Variants in LONP2 observed in about 807,000 individuals in gnomAD.
LONP2 encodes lon protease homolog 2, peroxisomal.
In LONP2, 60 loss-of-function variants were observed where a neutral mutation model predicts 85.6. The observed-to-expected ratio is 0.70, with a 90% confidence interval of 0.57 to 0.87. LONP2 has a LOEUF of 0.87. LONP2 is among the 40% of genes least tolerant of loss of function. The pLI is 0.00. For synonymous variants in LONP2, 395 were observed against 389.7 expected (o/e 1.01, Z -0.16); for missense variants, 860 against 1,063.5 (o/e 0.81, Z 2.66).
At chr16:48,272,536 T>C (rs761844788) in intron 7 of LONP2, among the ~76,000 whole-genome samples, 6 of 152,336 alleles carry the variant, frequency 3.9e-5, no homozygotes, top group Non-Finnish European at 5.9e-5. Context: ...GAATTGACTT[T>C]ATGGGTCTTT....
chr16:48,347,682 G>T lies in LONP2; in HGVS notation c.2114G>T (p.Arg705Leu), dbSNP rs1473733503. 5 of 1,613,796 alleles carry T rather than the reference G, an allele frequency of 3.1e-6. No homozygotes were observed. Among genetic ancestry groups the T allele is most frequent in the African/African-American group, 2.7e-5 (2 of 74,934 alleles). The change falls in exon 13 of 15, where the codon CGC becomes CTC. Residue 705 changes from arginine to leucine, a missense_variant. Coordinates refer to ENST00000285737, the MANE Select transcript of LONP2 (RefSeq NM_031490.5). Reference sequence around the variant, plus strand: ...GCCCACCTCGCTATCAGCTGGCTCCGCAGCAACGCAAAGAAGTACCAGCTG... The same window carrying T: ...GCCCACCTCGCTATCAGCTGGCTCCTCAGCAACGCAAAGAAGTACCAGCTG... ...ESAHLAISWL[R>L]SNAKKYQLTN...
chr16:48,336,793 T>G (rs558007109), intron 12 of LONP2, among the ~76,000 whole-genome samples: 1 of 152,374 alleles, frequency 6.6e-6, no homozygotes, highest in South Asian at 2.1e-4. Flanking sequence ...TCAGGCCATC[T>G]GGATGTATAC....
At chr16:48,293,595 G>A (rs9937997) in intron 8 of LONP2, among the ~76,000 whole-genome samples, 1,990 of 152,216 alleles carry the variant, frequency 0.013, 44 homozygotes, top group African/African-American at 0.046. Flanking sequence ...ATCAGTAGAG[G>A]GAAACATTCT....
At chr16:48,357,454 G>A (rs894737772), downstream of LONP2, 1 of 152,198 alleles carries the variant, frequency 6.6e-6, no homozygotes, top group South Asian at 2.1e-4. Context: ...TTCAAACTCC[G>A]GGTCTCTGTA....
At chr16:48,257,650 A>ATATTTGT (rs1971786980) in intron 3 of LONP2, among the ~76,000 whole-genome samples, 1 of 152,194 alleles carries the variant, frequency 6.6e-6, no homozygotes, top group Admixed American at 6.5e-5. Context: ...TCATCCTAGA[A>ATATTTGT]TATTTGTTTG....
At chr16:48,263,801 A>G (rs992612343) in intron 6 of LONP2, among the ~76,000 whole-genome samples, 2 of 152,206 alleles carry the variant, frequency 1.3e-5, no homozygotes, top group African/African-American at 4.8e-5. Flanking sequence ...AATGGCTGTT[A>G]TCGGGGGACC....
chr16:48,293,103 T>G (rs1246490646), intron 8 of LONP2, among the ~76,000 whole-genome samples: 1 of 152,194 alleles, frequency 6.6e-6, no homozygotes, highest in Non-Finnish European at 1.5e-5. Context: ...CCAGCATATA[T>G]GAATTACATA....
In LONP2 at chr16:48,362,380, G is replaced by A. The variant is rs1597018082; in HGVS notation, c.*517G>A. ...AGGGCAGGCACCCTCTGGGATGGTG[G>A]ACACTTCGAGGTACCGGTAGGTAAT... On this transcript the variant is annotated 3_prime_UTR_variant, in exon 5 of 5. Transcript: ENST00000565867. This position sits in a 1 kb window ranked among gnomAD's most constrained non-coding sequence, Gnocchi z 4.2. 1.2e-6 allele frequency: 2 copies of A among 1,614,148 alleles called. No homozygotes were observed. The highest frequency in any genetic ancestry group is 2.2e-5 in the East Asian group (1 of 44,886).
intron 8 of LONP2, among the ~76,000 whole-genome samples, chr16:48,290,300 C>G (rs1328397289): frequency 6.6e-6 from 1 of 152,178 alleles, no homozygotes; most frequent in Non-Finnish European, 1.5e-5. Flanking sequence ...TCCTACTGCA[C>G]TCTCACAACA....
chr16:48,299,592 A>T, intron 9 of LONP2, 70 bp from the exon 10 acceptor site: 2 of 1,541,142 alleles, frequency 1.3e-6, no homozygotes, highest in Non-Finnish European at 1.8e-6. Flanking sequence ...TAAAAAAAAA[A>T]ACAAAAAACA....
chr16:48,296,388 G>A (rs146221785), intron 9 of LONP2, among the ~76,000 whole-genome samples: 3 of 152,292 alleles, frequency 2.0e-5, no homozygotes, highest in African/African-American at 7.2e-5. Context: ...TAGCATGAAA[G>A]AATGATAATT....
At position 48,352,007 on chromosome 16, in the gene LONP2, T is replaced by C. The variant is rs1003116835; in HGVS notation, c.*205T>C. On this transcript the variant is annotated 3_prime_UTR_variant, in exon 15 of 15. Transcript: ENST00000285737. ...AGTAAACTGATAAAAATCGAATTCTTGTCTTTTTAGTGGGATCCTTACTGT... is the reference window on the plus strand; with the variant it reads ...AGTAAACTGATAAAAATCGAATTCTCGTCTTTTTAGTGGGATCCTTACTGT... 3.1e-5 allele frequency: 18 copies of C among 583,102 alleles called. No homozygotes were observed. In the African/African-American group the frequency reaches 3.2e-4, roughly 10 times the overall value. 36.1% of individuals were successfully genotyped at this position (583,102 alleles called of 1,614,324 possible). A position where few individuals can be genotyped will look rare whatever the true frequency, so the allele number is the denominator to read the frequency against.
rs72802165 is a variant in LONP2, at chr16:48,266,749, A to G, written c.983-3267A>G. The stretch of plus-strand genomic sequence containing the variant: ...TGGATATACCATCATTTGTTTATCA[A>G]TTCATCTGTTGATAGACATTTGGGT... On this transcript the variant is annotated intron_variant, in intron 6 of 14. Coordinates refer to ENST00000285737, the MANE Select transcript of LONP2 (RefSeq NM_031490.5). Among the ~76,000 whole-genome samples, 308 of 152,204 alleles carry G rather than the reference A, an allele frequency of 2.0e-3. 1 individual carries two copies. Among genetic ancestry groups the G allele is most frequent in the African/African-American group, 3.0e-3 (124 of 41,530 alleles).
At chr16:48,342,786 G>A (rs1305862981) in intron 12 of LONP2, among the ~76,000 whole-genome samples, 1 of 152,186 alleles carries the variant, frequency 6.6e-6, no homozygotes, top group African/African-American at 2.4e-5. Flanking sequence ...CAGATGGATC[G>A]CTTCTGTGGT....
At chr16:48,249,521 T>G (rs72802162) in intron 1 of LONP2, among the ~76,000 whole-genome samples, 13 of 152,344 alleles carry the variant, frequency 8.5e-5, no homozygotes, top group Admixed American at 2.6e-4. Context: ...TCACCCACAG[T>G]GTCTCACCAG....
At chr16:48,264,313 G>A (rs922564821) in intron 6 of LONP2, among the ~76,000 whole-genome samples, 3 of 146,664 alleles carry the variant, frequency 2.0e-5, no homozygotes, top group African/African-American at 5.4e-5. Context: ...GGTACGCCCC[G>A]GGGGGGCCAG....
intron 9 of LONP2, 142 bp from the exon 10 acceptor site, chr16:48,299,520 T>G: frequency 1.4e-6 from 1 of 713,656 alleles, no homozygotes; most frequent in East Asian, 3.1e-5. Flanking sequence ...AGGTGGAGGT[T>G]GTAGTGAGCC....
chr16:48,328,663 G>A (rs1959330587), intron 11 of LONP2, among the ~76,000 whole-genome samples: 1 of 149,794 alleles, frequency 6.7e-6, no homozygotes, highest in Non-Finnish European at 1.5e-5. Context: ...GGGTGACACG[G>A]GGACTCCGTC....
At chr16:48,321,390 C>G (rs1257695354) in intron 11 of LONP2, among the ~76,000 whole-genome samples, 1 of 152,136 alleles carries the variant, frequency 6.6e-6, no homozygotes, top group African/African-American at 2.4e-5. Context: ...CCACTGAAAA[C>G]AGGGGTGCAA....
Sources: gnomAD v4.1 joint callset for allele counts (sites outside exome capture counted in the v4.1 genomes callset) on GRCh38, gnomAD v4.1.1 for gene constraint, Gnocchi (gnomAD v3.1) non-coding constraint, MANE v1.5 for transcripts, NCBI Gene and HGNC (gene_info 2026-07-23, HGNC 2026-07-21) for gene names.